MAGI2: variants seen among roughly 807,000 people sequenced by gnomAD.
MAGI2 encodes the protein membrane-associated guanylate kinase, WW and PDZ domain-containing protein 2.
MAGI2 carries 35 observed loss-of-function variants against 133.3 expected under a neutral mutation model. The observed-to-expected ratio is 0.26, with a 90% CI of 0.20 to 0.35. MAGI2 has a LOEUF of 0.35. MAGI2 is among the 10% of genes least tolerant of loss of function. The probability of loss-of-function intolerance (pLI) is 1.00; values close to 1 mark genes in which losing one functional copy is unlikely to be tolerated. For missense variants in MAGI2, 1,636 were observed against 1,863.4 expected, an observed-to-expected ratio of 0.88 and a Z score of 2.25; for synonymous variants, 729 against 710.6, an observed-to-expected ratio of 1.03 and a Z score of -0.41.
chr7:78,545,530 A>AT (rs1195922934), intron 3 of MAGI2, among the ~76,000 whole-genome samples: 6 of 152,142 alleles, frequency 3.9e-5, no homozygotes, highest in Non-Finnish European at 8.8e-5. Flanking sequence ...ACTGATGCTT[A>AT]TGCAACATTA....
chr7:79,289,350 G>C (rs955210392), intron 1 of MAGI2, among the ~76,000 whole-genome samples: 1 of 152,096 alleles, frequency 6.6e-6, no homozygotes, highest in African/African-American at 2.4e-5. Flanking sequence ...ATCTCTAATA[G>C]CTTACAGAAG....
chr7:78,416,605 T>C (rs569915963), intron 6 of MAGI2, among the ~76,000 whole-genome samples: 1 of 152,242 alleles, frequency 6.6e-6, no homozygotes, highest in African/African-American at 2.4e-5. Context: ...AAGAATCAAA[T>C]GAAGTATAGT....
chr7:78,282,570 C>T (rs897867309), intron 9 of MAGI2, among the ~76,000 whole-genome samples: 1 of 152,046 alleles, frequency 6.6e-6, no homozygotes, highest in Non-Finnish European at 1.5e-5. Flanking sequence ...TGTTTGCTGA[C>T]CCCTGCCTTA....
rs1416624415 is a variant in MAGI2, at chr7:78,256,096, G to A, written c.1894C>T (p.Leu632Phe). The stretch of plus-strand genomic sequence containing the variant: ...AGGCCAGGGCATCCCTGAATGTCAA[G>A]TATTTGTTTCACCCGCTGTCCTGTA... ...SPTGQRVKQILDIQGCPGLCE... is the reference protein window; with the variant it reads ...SPTGQRVKQIFDIQGCPGLCE... The change falls in exon 10 of 22, where the codon CTT (leucine) becomes TTT (phenylalanine). Residue 632 changes from leucine to phenylalanine, a missense_variant. By Grantham distance (22) the Leu-to-Phe change is conservative. Around this residue, in one of 5 missense-constraint regions of MAGI2, gnomAD observed 920 missense variants for 1,093.5 expected, o/e 0.84. Transcript: ENST00000354212. 6.2e-7 allele frequency: 1 copy of A among 1,613,750 alleles called. No homozygotes were observed.
chr7:78,800,888 T>G (rs1050002470), intron 2 of MAGI2, among the ~76,000 whole-genome samples: 1 of 152,118 alleles, frequency 6.6e-6, no homozygotes, highest in South Asian at 2.1e-4. Context: ...TGAACTTACC[T>G]GACCATGAAT....
intron 2 of MAGI2, among the ~76,000 whole-genome samples, chr7:78,655,935 C>T (rs556932225): frequency 3.5e-5 from 5 of 141,048 alleles, no homozygotes; most frequent in East Asian, 2.2e-4. Context: ...GAGCCGAGAT[C>T]GCGCCACTGC....
intron 21 of MAGI2, among the ~76,000 whole-genome samples, chr7:78,058,500 T>G (rs117159521): frequency 0.04 from 5,972 of 147,490 alleles, 219 homozygotes; most frequent in Non-Finnish European, 0.056. Flanking sequence ...GAGACGGAGT[T>G]TCGCTTTGTT....
intron 2 of MAGI2, among the ~76,000 whole-genome samples, chr7:78,722,571 CTCA>C (rs1563409813): frequency 6.6e-6 from 1 of 151,970 alleles, no homozygotes; most frequent in East Asian, 1.9e-4. Context: ...GATCTTAAAT[CTCA>C]TCATCAAAAA....
chr7:78,529,363 G>C (rs1313043059), intron 3 of MAGI2, among the ~76,000 whole-genome samples: 1 of 152,166 alleles, frequency 6.6e-6, no homozygotes, highest in Non-Finnish European at 1.5e-5. Flanking sequence ...CTTCCCTTCA[G>C]GTGTTATCAG....
intron 1 of MAGI2, among the ~76,000 whole-genome samples, chr7:79,258,952 ACTCATT>A (rs1833887853): frequency 6.6e-6 from 1 of 152,152 alleles, no homozygotes; most frequent in African/African-American, 2.4e-5. Flanking sequence ...GGATTTACAC[ACTCATT>A]CTCATTCTTT....
At chr7:78,279,028 GCAGGGGATATGTGA>G (rs771983875) in intron 9 of MAGI2, among the ~76,000 whole-genome samples, 12 of 152,158 alleles carry the variant, frequency 7.9e-5, no homozygotes, top group Non-Finnish European at 1.5e-4. Flanking sequence ...AGTGATTAGG[GCAGGGGATATGTGA>G]CAGGGGATGT....
At chr7:79,112,914 GAA>G (rs35153304) in intron 1 of MAGI2, among the ~76,000 whole-genome samples, 1 of 152,108 alleles carries the variant, frequency 6.6e-6, no homozygotes. Context: ...GAATGTATAA[GAA>G]AATGTAAGAT....
At chr7:79,402,041 G>T (rs965988063) in intron 1 of MAGI2, among the ~76,000 whole-genome samples, 2 of 152,068 alleles carry the variant, frequency 1.3e-5, no homozygotes, top group African/African-American at 2.4e-5. Flanking sequence ...CATTAGACAT[G>T]GCTGTGTCAA....
At chr7:78,384,110 A>AT (rs943478315) in intron 6 of MAGI2, among the ~76,000 whole-genome samples, 1 of 151,312 alleles carries the variant, frequency 6.6e-6, no homozygotes, top group African/African-American at 2.4e-5. Flanking sequence ...GAAATTTAGG[A>AT]TTTTTTCTAA....
At chr7:79,056,302 G>C (rs1453260876) in intron 1 of MAGI2, among the ~76,000 whole-genome samples, 1 of 152,060 alleles carries the variant, frequency 6.6e-6, no homozygotes, top group Non-Finnish European at 1.5e-5. Context: ...GGAGTTCAAG[G>C]CTGCTTCAAG....
chr7:78,772,887 A>G (rs953873207), intron 2 of MAGI2, among the ~76,000 whole-genome samples: 15 of 152,268 alleles, frequency 9.9e-5, no homozygotes, highest in African/African-American at 3.6e-4. Flanking sequence ...ATTTCACTTT[A>G]TAGCTTCTAA....
intron 5 of MAGI2, among the ~76,000 whole-genome samples, chr7:78,501,083 G>A (rs1794578759): frequency 6.6e-6 from 1 of 152,172 alleles, no homozygotes; most frequent in Non-Finnish European, 1.5e-5. Flanking sequence ...GTGAGACCTT[G>A]TCTCAAAGAC....
At chr7:78,951,026 C>T (rs917834958) in intron 2 of MAGI2, among the ~76,000 whole-genome samples, 2 of 142,548 alleles carry the variant, frequency 1.4e-5, no homozygotes, top group African/African-American at 5.3e-5. Flanking sequence ...AGCGGGAGTG[C>T]AGTGGTGCGA....
intron 21 of MAGI2, among the ~76,000 whole-genome samples, chr7:78,024,827 C>A (rs1412188342): frequency 6.6e-6 from 1 of 151,950 alleles, no homozygotes; most frequent in Non-Finnish European, 1.5e-5. Context: ...CTCCCCAGGG[C>A]AACTAACCTA....
Sources: gnomAD v4.1 joint callset for allele counts (sites outside exome capture counted in the v4.1 genomes callset) on GRCh38, gnomAD v4.1.1 for gene constraint, gnomAD v4.1.1 regional missense constraint, MANE v1.5 for transcripts, NCBI Gene and HGNC (gene_info 2026-07-23, HGNC 2026-07-21) for gene names.